Variants in MAST4 observed in about 807,000 individuals in gnomAD.
MAST4 encodes microtubule associated serine/threonine kinase family member 4.
Under a neutral mutation model 162.7 loss-of-function variants are expected in MAST4, and 89 were observed. The ratio of observed to expected loss-of-function variants is 0.55; its 90% CI spans 0.46 to 0.65. The LOEUF is 0.65. MAST4 is among the 30% of genes least tolerant of loss of function. MAST4 has a pLI of 0.00. For synonymous variants in MAST4, 1,479 were observed against 1,361.1 expected (o/e 1.09, Z -1.91); for missense variants, 3,153 against 3,374.0 (o/e 0.93, Z 1.62).
intron 1 of MAST4, among the ~76,000 whole-genome samples, chr5:66,641,411 C>T (rs960301178): frequency 1.3e-5 from 2 of 152,174 alleles, no homozygotes; most frequent in South Asian, 2.1e-4. Flanking sequence ...CCTGCCTCAG[C>T]CTCCCAAAGT....
chr5:67,026,785 A>G (rs560161008), intron 4 of MAST4, among the ~76,000 whole-genome samples: 3 of 152,142 alleles, frequency 2.0e-5, no homozygotes, highest in Non-Finnish European at 4.4e-5. Context: ...AAAAGATGGA[A>G]AAAACAATTC....
At chr5:66,820,775 G>A (rs1455611068) in intron 3 of MAST4, among the ~76,000 whole-genome samples, 2 of 151,918 alleles carry the variant, frequency 1.3e-5, no homozygotes, top group Non-Finnish European at 2.9e-5. Context: ...AGAAAATTAT[G>A]TATGTGATTT....
At chr5:66,763,783 G>A (rs543869059) in intron 2 of MAST4, among the ~76,000 whole-genome samples, 1 of 152,124 alleles carries the variant, frequency 6.6e-6, no homozygotes, top group Non-Finnish European at 1.5e-5. Flanking sequence ...ACTTTATGAT[G>A]AGTTTAGTGG....
intron 1 of MAST4, among the ~76,000 whole-genome samples, chr5:66,694,790 C>G (rs1237430466): frequency 6.6e-6 from 1 of 152,262 alleles, no homozygotes. Context: ...CCCAGCCAAT[C>G]TTGAGCTTTT....
chr5:66,765,772 T>C lies in MAST4; in HGVS notation c.517+5910T>C, dbSNP rs1754066436. ...TTTCACTATGCATAGACACTCATGA[T>C]TGAAATGTTTGCATTTTCCTCCCTA... On this transcript the variant is annotated intron_variant, in intron 2 of 28. Transcript: ENST00000403625. 2.0e-5 allele frequency among the ~76,000 whole-genome samples: 3 copies of C among 152,100 alleles called. No individual in the cohort carries two copies. The South Asian group carries it at 6.5e-4, about 33-fold the overall frequency.
At chr5:67,060,280 A>T (rs1300923119) in intron 5 of MAST4, among the ~76,000 whole-genome samples, 3 of 152,126 alleles carry the variant, frequency 2.0e-5, no homozygotes, top group Non-Finnish European at 4.4e-5. Flanking sequence ...GAGATACTAA[A>T]TTGGACGGTG....
At chr5:66,947,383 G>A (rs1399027350) in intron 4 of MAST4, among the ~76,000 whole-genome samples, 2 of 152,140 alleles carry the variant, frequency 1.3e-5, no homozygotes, top group Admixed American at 1.3e-4. Context: ...AAAGAAAAAT[G>A]TATGAACATT....
chr5:66,995,880 C>T (rs1750572309), intron 4 of MAST4, among the ~76,000 whole-genome samples: 1 of 139,340 alleles, frequency 7.2e-6, no homozygotes, highest in African/African-American at 2.8e-5. Context: ...TCTCAAAACA[C>T]ACTCACATAC....
intron 3 of MAST4, among the ~76,000 whole-genome samples, chr5:66,883,302 G>A (rs1265264359): frequency 6.6e-6 from 1 of 151,998 alleles, no homozygotes; most frequent in Non-Finnish European, 1.5e-5. Flanking sequence ...CGTCCTATGT[G>A]GAAGTCTCAG....
chr5:67,125,452 T>A (rs1335688223), intron 14 of MAST4, among the ~76,000 whole-genome samples: 1 of 152,058 alleles, frequency 6.6e-6, no homozygotes, highest in Non-Finnish European at 1.5e-5. Flanking sequence ...CCTCCCTGTG[T>A]CCATGTGTTC....
intron 1 of MAST4, among the ~76,000 whole-genome samples, chr5:66,659,127 G>A (rs115312339): frequency 0.016 from 2,410 of 152,272 alleles, 67 homozygotes; most frequent in African/African-American, 0.054. Context: ...GTGGCGGGAG[G>A]CAGACAGGTT....
At chr5:67,002,849 A>G (rs1454531714) in intron 4 of MAST4, among the ~76,000 whole-genome samples, 1 of 151,718 alleles carries the variant, frequency 6.6e-6, no homozygotes, top group African/African-American at 2.4e-5. Flanking sequence ...CACCCCTCTC[A>G]GAGAAGCCTT....
At chr5:67,123,834 T>C (rs1264657346) in intron 14 of MAST4, among the ~76,000 whole-genome samples, 3 of 152,218 alleles carry the variant, frequency 2.0e-5, no homozygotes, top group Non-Finnish European at 4.4e-5. Context: ...TGATTCTCTT[T>C]TACCTGTGAA....
intron 4 of MAST4, among the ~76,000 whole-genome samples, chr5:67,003,417 A>C (rs1275148689): frequency 1.3e-5 from 2 of 152,110 alleles, no homozygotes; most frequent in African/African-American, 2.4e-5. Context: ...TTAGATAAAG[A>C]AGATCCCACA....
rs984952290 is a variant in MAST4, at chr5:66,959,093, G to C, written c.674+59111G>C. Reference sequence around the variant, plus strand: ...CTGACATCTCTTGATTACGGCTAGAGGTGGAAGGACCCAAACTTGCAGCCT... The same window carrying C: ...CTGACATCTCTTGATTACGGCTAGACGTGGAAGGACCCAAACTTGCAGCCT... On this transcript the variant is annotated intron_variant, in intron 4 of 28. Coordinates refer to ENST00000403625, the MANE Select transcript of MAST4 (RefSeq NM_001164664.2). 10 of 649,170 alleles carry C rather than the reference G, an allele frequency of 1.5e-5. No homozygotes were observed. In the African/African-American group the frequency reaches 1.8e-4, roughly 12 times the overall value. The allele number at this position is 649,170 out of a possible 1,614,324, so 40.2% of individuals were successfully genotyped here.
At chr5:67,015,716 C>T (rs562882855) in intron 4 of MAST4, among the ~76,000 whole-genome samples, 2 of 152,216 alleles carry the variant, frequency 1.3e-5, no homozygotes, top group African/African-American at 4.8e-5. Flanking sequence ...TAAATTCGGC[C>T]AAAAGACAGA....
intron 3 of MAST4, among the ~76,000 whole-genome samples, chr5:66,856,358 T>C (rs1198590850): frequency 6.6e-6 from 1 of 152,190 alleles, no homozygotes; most frequent in Non-Finnish European, 1.5e-5. Context: ...TAAGGCCTGA[T>C]CCCAGGTAGG....
At chr5:67,026,530 A>G (rs1021394475) in intron 4 of MAST4, among the ~76,000 whole-genome samples, 1 of 152,226 alleles carries the variant, frequency 6.6e-6, no homozygotes, top group Non-Finnish European at 1.5e-5. Context: ...CTTTGTAAAC[A>G]TGGAATTATT....
chr5:66,629,746 C>T (rs1201154870), intron 1 of MAST4, among the ~76,000 whole-genome samples: 2 of 152,196 alleles, frequency 1.3e-5, no homozygotes, highest in East Asian at 1.9e-4. Context: ...AATATTGAAA[C>T]ACCTTATTAA....
Sources: gnomAD v4.1 joint callset for allele counts (sites outside exome capture counted in the v4.1 genomes callset) on GRCh38, gnomAD v4.1.1 for gene constraint, MANE v1.5 for transcripts, NCBI Gene and HGNC (gene_info 2026-07-23, HGNC 2026-07-21) for gene names.